TBC1D16: variants seen among roughly 807,000 people sequenced by gnomAD.
TBC1D16 encodes CTD-2529O21.1.
Under a neutral mutation model 74.7 loss-of-function variants are expected in TBC1D16, and 58 were observed. The observed-to-expected ratio is 0.78, with a 90% confidence interval of 0.63 to 0.97. The LOEUF is 0.97. Among genes scored for constraint, TBC1D16 ranks in the 50% least tolerant of loss-of-function variants. The pLI, the probability that TBC1D16 is intolerant of heterozygous loss-of-function variation, is 0.00. For missense variants in TBC1D16, 1,014 were observed against 1,079.5 expected (o/e 0.94, Z 0.85); for synonymous variants, 493 against 474.7 (o/e 1.04, Z -0.50).
At chr17:79,997,842 C>T (rs1158181410) in intron 3 of TBC1D16, among the ~76,000 whole-genome samples, 1 of 152,090 alleles carries the variant, frequency 6.6e-6, no homozygotes, top group Non-Finnish European at 1.5e-5. Flanking sequence ...AGTGTCACTG[C>T]AGCCGGGCGC....
intron 1 of TBC1D16, among the ~76,000 whole-genome samples, chr17:80,015,699 AT>A (rs2144705669): frequency 6.6e-6 from 1 of 152,258 alleles, no homozygotes; most frequent in South Asian, 2.1e-4. Flanking sequence ...ACAGTGGAAT[AT>A]TATTTGGCCT....
At chr17:79,964,520 G>A (rs528821809) in intron 3 of TBC1D16, among the ~76,000 whole-genome samples, 125 of 152,170 alleles carry the variant, frequency 8.2e-4, no homozygotes, top group Non-Finnish European at 3.4e-4. Context: ...ATAAGACATT[G>A]GGGGGACACG....
chr17:79,972,315 C>T (rs1327421082), intron 3 of TBC1D16, among the ~76,000 whole-genome samples: 1 of 152,084 alleles, frequency 6.6e-6, no homozygotes, highest in Admixed American at 6.6e-5. Context: ...TAGCTGGGAT[C>T]ACAGGCGTGT....
intron 3 of TBC1D16, among the ~76,000 whole-genome samples, chr17:80,005,964 C>T (rs1168410278): frequency 6.6e-6 from 1 of 152,158 alleles, no homozygotes; most frequent in African/African-American, 2.4e-5. Flanking sequence ...CCTGCACATG[C>T]AGTTCTTCAG....
In TBC1D16 at chr17:79,993,428, C is replaced by A. The variant is rs941375848; in HGVS notation, c.779+16732G>T. Among the ~76,000 whole-genome samples, 1 of 152,188 alleles carries A rather than the reference C, an allele frequency of 6.6e-6. No homozygotes were observed. The highest frequency in any genetic ancestry group is 6.5e-5 in the Admixed American group (1 of 15,278). On this transcript the variant is annotated intron_variant, in intron 3 of 11. Coordinates refer to ENST00000310924, the MANE Select transcript of TBC1D16 (RefSeq NM_019020.4). This position sits in a 1 kb window ranked among gnomAD's most constrained non-coding sequence, Gnocchi z 5.1. ...ACTTAGGTGGACGGGCACCAGGAGC[C>A]CTGTGTCCTCTGCCTTGCAGGTGTT...
intron 3 of TBC1D16, 124 bp from the exon 4 acceptor site, chr17:79,952,942 G>A (rs887860233): frequency 1.0e-5 from 11 of 1,075,292 alleles, no homozygotes; most frequent in Middle Eastern, 3.2e-4. Flanking sequence ...ATACAGGCAC[G>A]GCTGAATATG....
At chr17:79,948,178 G>C (rs997584150) in intron 8 of TBC1D16, among the ~76,000 whole-genome samples, 19 of 152,088 alleles carry the variant, frequency 1.2e-4, no homozygotes, top group Non-Finnish European at 2.9e-5. Context: ...GGGCATGGTG[G>C]GGTGCACGCC....
chr17:79,955,842 A>G (rs568512793), intron 3 of TBC1D16, among the ~76,000 whole-genome samples: 1 of 152,348 alleles, frequency 6.6e-6, no homozygotes, highest in East Asian at 1.9e-4. Flanking sequence ...ACAGTAAACT[A>G]TGCCATGTCA....
At position 79,986,375 on chromosome 17, in the gene TBC1D16, G is replaced by A. The variant is rs532423069; in HGVS notation, c.779+23785C>T. 5.5e-4 allele frequency among the ~76,000 whole-genome samples: 84 copies of A among 152,338 alleles called. No individual in the cohort carries two copies. Among genetic ancestry groups the A allele is most frequent in the Non-Finnish European group, 9.3e-4 (63 of 68,034 alleles). On this transcript the variant is annotated intron_variant, in intron 3 of 11. Transcript: ENST00000310924. The surrounding 1 kb of genome is among the most constrained non-coding windows in gnomAD (Gnocchi z 6.0). ...CTCTTAGACAGAAGTCTGGGCAGAC[G>A]CAAATGTGCAGCGTTTCAAAGCAAA...
At chr17:80,012,343 C>A (rs541995819) in intron 2 of TBC1D16, among the ~76,000 whole-genome samples, 1 of 152,176 alleles carries the variant, frequency 6.6e-6, no homozygotes, top group Non-Finnish European at 1.5e-5. Context: ...GGGGCCGCAT[C>A]GCCCAGAACC....
At chr17:79,964,280 G>GT (rs1166622024) in intron 3 of TBC1D16, among the ~76,000 whole-genome samples, 1 of 152,208 alleles carries the variant, frequency 6.6e-6, no homozygotes, top group South Asian at 2.1e-4. Context: ...CCGGCCAGTT[G>GT]TTTTTTGTTG....
At chr17:79,957,816 T>C (rs1292950262) in intron 3 of TBC1D16, among the ~76,000 whole-genome samples, 1 of 151,564 alleles carries the variant, frequency 6.6e-6, no homozygotes, top group African/African-American at 2.4e-5. Flanking sequence ...TCACTCAGTT[T>C]TGCTGTGAAA....
rs575150324 is a variant in TBC1D16 at position 79,960,574 on chromosome 17, G to A, written c.780-7756C>T. Among the ~76,000 whole-genome samples, 4 of 151,862 alleles carry A rather than the reference G, an allele frequency of 2.6e-5. No homozygotes were observed. The South Asian group carries it at 8.3e-4, about 32-fold the overall frequency. On this transcript the variant is annotated intron_variant, in intron 3 of 11. Coordinates refer to ENST00000310924, the MANE Select transcript of TBC1D16 (RefSeq NM_019020.4). ...AGTTCAAGACTAGCCTGGGCAACAT[G>A]GCGAAATCCCGTTTCTGCTAAAAAT...
Position 79,957,734 on chromosome 17 carries a change from A to G in TBC1D16, c.780-4916T>C, listed in dbSNP as rs559891481. On this transcript the variant is annotated intron_variant, in intron 3 of 11. Transcript: ENST00000310924. ...GACGTGTGGGCTCATGAGTCGTAAC[A>G]TGTGTCCCACTCTGGTGGGGGAGGC... Among the ~76,000 whole-genome samples, 12 of 147,476 alleles carry G rather than the reference A, an allele frequency of 8.1e-5. No homozygotes were observed. The East Asian group carries it at 2.6e-3, about 31-fold the overall frequency.
rs1413452275 is a variant in TBC1D16 at position 80,035,195 on chromosome 17, T to C, written c.-63+600A>G. Among the ~76,000 whole-genome samples the C allele has an allele frequency of 1.3e-5, 2 of 152,046 alleles. No individual in the cohort carries two copies. The highest frequency in any genetic ancestry group is 1.9e-4 in the East Asian group (1 of 5,194). ...ATGTTTAGCAATCTTCAGTTGCCTT[T>C]CCTTTTTTTCTTTCCTTCCTTTCGT... On this transcript the variant is annotated intron_variant, in intron 1 of 11. Transcript: ENST00000310924. The surrounding 1 kb of genome is among the most constrained non-coding windows in gnomAD (Gnocchi z 5.3).
At chr17:80,004,112 T>A (rs756525496) in intron 3 of TBC1D16, among the ~76,000 whole-genome samples, 1 of 152,252 alleles carries the variant, frequency 6.6e-6, no homozygotes, top group Non-Finnish European at 1.5e-5. Flanking sequence ...ATCCGTATTA[T>A]GTAAAATTAA....
Position 79,941,908 on chromosome 17 carries a change from TG to T in TBC1D16, c.2055+151del. On this transcript the variant is annotated intron_variant, in intron 11 of 11. Coordinates refer to ENST00000310924, the MANE Select transcript of TBC1D16 (RefSeq NM_019020.4). The surrounding 1 kb of genome is among the most constrained non-coding windows in gnomAD (Gnocchi z 4.3). Reference sequence around the variant, plus strand: ...AGTGGGGAGCCCCCAGTGCTATGGGTGGGGGAGGGCACGTGCTGGGGGGCCA... The same window carrying T: ...AGTGGGGAGCCCCCAGTGCTATGGGTGGGGAGGGCACGTGCTGGGGGGCCA... 2 of 618,296 alleles carry T rather than the reference TG, an allele frequency of 3.2e-6. No individual in the cohort carries two copies. Among genetic ancestry groups the T allele is most frequent in the African/African-American group, 2.5e-5 (1 of 40,328 alleles). The allele number at this position is 618,296 out of a possible 1,614,324, so 38.3% of individuals were successfully genotyped here. A position where few individuals can be genotyped will look rare whatever the true frequency, so the allele number is the denominator to read the frequency against.
Position 79,944,188 on chromosome 17 carries a change from C to T in TBC1D16, c.1908+720G>A. The T allele has an allele frequency of 6.6e-7, 1 of 1,520,544 alleles. No individual in the cohort carries two copies. Among genetic ancestry groups the T allele is most frequent in the Non-Finnish European group, 8.8e-7 (1 of 1,133,188 alleles). 94.2% of individuals were successfully genotyped at this position (1,520,544 alleles called of 1,614,324 possible). On this transcript the variant is annotated intron_variant, in intron 10 of 11. Coordinates refer to ENST00000310924, the MANE Select transcript of TBC1D16 (RefSeq NM_019020.4). The surrounding 1 kb of genome is among the most constrained non-coding windows in gnomAD (Gnocchi z 7.7). ...TGTTTGCCTCCATCTTCAGGGTTCT[C>T]TGACGGAGGCTGCTGGAGCTGCCGT... is the stretch of plus-strand genomic sequence containing the variant.
At position 79,954,763 on chromosome 17, in the gene TBC1D16, C is replaced by T. The variant is rs1192909882; in HGVS notation, c.780-1945G>A. ...CTGCCCCGTGTGCTGCCTGCTGGCC[C>T]GGCCCACCCAGTGGGGCCATCAGAG... On this transcript the variant is annotated intron_variant, in intron 3 of 11. Coordinates refer to ENST00000310924, the MANE Select transcript of TBC1D16 (RefSeq NM_019020.4). This position sits in a 1 kb window ranked among gnomAD's most constrained non-coding sequence, Gnocchi z 5.5. 1.1e-4 allele frequency among the ~76,000 whole-genome samples: 16 copies of T among 152,078 alleles called. No individual in the cohort carries two copies. Among genetic ancestry groups the T allele is most frequent in the Admixed American group, 9.2e-4 (14 of 15,278 alleles).
Sources: gnomAD v4.1 joint callset for allele counts (sites outside exome capture counted in the v4.1 genomes callset) on GRCh38, gnomAD v4.1.1 for gene constraint, Gnocchi (gnomAD v3.1) non-coding constraint, MANE v1.5 for transcripts, NCBI Gene and HGNC (gene_info 2026-07-23, HGNC 2026-07-21) for gene names.